The following PTPRM variants were observed in gnomAD, a reference collection of about 807,000 sequenced individuals.
PTPRM encodes the protein protein tyrosine phosphatase receptor type M, also known as receptor-type tyrosine-protein phosphatase mu.
A neutral mutation model predicts 186.7 loss-of-function variants in PTPRM; 47 were observed. The ratio of observed to expected loss-of-function variants is 0.25; its 90% CI spans 0.20 to 0.32. The LOEUF (loss-of-function observed/expected upper bound fraction) is 0.32. Among genes scored for constraint, PTPRM ranks in the 10% least tolerant of loss-of-function variants. The pLI is 1.00. For synonymous variants in PTPRM, 668 were observed against 674.9 expected, an observed-to-expected ratio of 0.99 and a Z score of 0.16; for missense variants, 1,494 against 1,865.0, an observed-to-expected ratio of 0.80 and a Z score of 3.66.
intron 14 of PTPRM, among the ~76,000 whole-genome samples, chr18:8,231,675 C>A (rs56314202): frequency 6.6e-6 from 1 of 151,894 alleles, no homozygotes; most frequent in South Asian, 2.1e-4. Flanking sequence ...TTGAATTCAG[C>A]GCGCATTTCT....
rs201414873 is a variant in PTPRM, at chr18:8,237,462, T to A, written c.2301-6596T>A. Among the ~76,000 whole-genome samples the A allele has an allele frequency of 8.7e-4, 70 of 80,282 alleles. 1 individual carries two copies. Among genetic ancestry groups the A allele is most frequent in the East Asian group, 6.4e-3 (29 of 4,510 alleles). 52.7% of individuals were successfully genotyped at this position (80,282 alleles called of 152,430 possible). A position where few individuals can be genotyped will look rare whatever the true frequency, so the allele number is the denominator to read the frequency against. On this transcript the variant is annotated intron_variant, in intron 14 of 32. Transcript: ENST00000580170. ...TTTTTTTTTTTTTTTTTTTTTTTTT[T>A]CCTGAGACAGAGTTTCGCTCTTGTT...
Position 8,107,751 on chromosome 18 carries a change from A to G in PTPRM, c.1857-5735A>G, listed in dbSNP as rs186729162. 4.6e-3 allele frequency among the ~76,000 whole-genome samples: 705 copies of G among 152,354 alleles called. 3 individuals are homozygous for G. Among genetic ancestry groups the G allele is most frequent in the Non-Finnish European group, 7.2e-3 (488 of 68,036 alleles). On this transcript the variant is annotated intron_variant, in intron 11 of 32. Coordinates refer to ENST00000580170, the MANE Select transcript of PTPRM (RefSeq NM_001105244.2). ...ATAGAATATTCAGCCCCACAGGTCT[A>G]TTTATCCTGTGTGATGTGTTACCCA...
At chr18:8,140,611 C>G (rs1174681933) in intron 13 of PTPRM, among the ~76,000 whole-genome samples, 1 of 151,964 alleles carries the variant, frequency 6.6e-6, no homozygotes, top group Non-Finnish European at 1.5e-5. Flanking sequence ...GGATTATGCT[C>G]TATGATTTTA....
intron 1 of PTPRM, among the ~76,000 whole-genome samples, chr18:7,654,347 T>TG (rs1245862114): frequency 2.6e-5 from 4 of 152,138 alleles, no homozygotes; most frequent in Non-Finnish European, 5.9e-5. Context: ...TTACAAATTT[T>TG]TTTGTGTGAA....
intron 2 of PTPRM, among the ~76,000 whole-genome samples, chr18:7,780,434 G>A (rs2042800173): frequency 6.6e-6 from 1 of 152,172 alleles, no homozygotes; most frequent in South Asian, 2.1e-4. Flanking sequence ...CATTTCAGGT[G>A]CATGCATTTG....
chr18:7,746,611 G>A (rs897831129), intron 1 of PTPRM, among the ~76,000 whole-genome samples: 8 of 152,012 alleles, frequency 5.3e-5, no homozygotes, highest in African/African-American at 1.5e-4. Flanking sequence ...GACTACAAGC[G>A]TGCAACACCA....
chr18:8,324,149 A>C (rs1024117802), intron 22 of PTPRM, among the ~76,000 whole-genome samples: 1 of 152,206 alleles, frequency 6.6e-6, no homozygotes, highest in African/African-American at 2.4e-5. Flanking sequence ...GGGTTAACAA[A>C]ATGTCACAGA....
rs775434777 is a variant in PTPRM, at chr18:7,852,639, C to T, written c.197-35467C>T. Among the ~76,000 whole-genome samples the T allele has an allele frequency of 8.6e-5, 13 of 151,818 alleles. No homozygotes were observed. The East Asian group carries it at 1.4e-3, about 16-fold the overall frequency. On this transcript the variant is annotated intron_variant, in intron 2 of 32. Transcript: ENST00000580170. ...GACGGAGCTTGCAGTGAGCCAAGAT[C>T]GTGCCACTGCACTCCAGCCTGGGCG...
chr18:8,369,072 G>T (rs1189089882), intron 23 of PTPRM, among the ~76,000 whole-genome samples: 1 of 152,192 alleles, frequency 6.6e-6, no homozygotes, highest in Non-Finnish European at 1.5e-5. Flanking sequence ...GGAAGAAATG[G>T]ATGGGAGGAG....
intron 14 of PTPRM, among the ~76,000 whole-genome samples, chr18:8,238,406 G>A (rs1405801275): frequency 1.3e-5 from 2 of 151,846 alleles, no homozygotes; most frequent in Admixed American, 6.6e-5. Flanking sequence ...ACTATCACAG[G>A]CGTTTTCATT....
At chr18:7,770,811 A>G (rs902393567) in intron 1 of PTPRM, among the ~76,000 whole-genome samples, 13 of 150,474 alleles carry the variant, frequency 8.6e-5, no homozygotes, top group Non-Finnish European at 1.6e-4. Flanking sequence ...TTTTAGCTCA[A>G]TAAACCATCT....
In PTPRM at chr18:7,954,208, G is replaced by A. The variant is rs1319454230; in HGVS notation, c.839-913G>A. ...TTGACAATGATATAGGAAAGAGTCGGTCTCAGATTTTAAACAAAGAGAGGG... is the reference window on the plus strand; with the variant it reads ...TTGACAATGATATAGGAAAGAGTCGATCTCAGATTTTAAACAAAGAGAGGG... On this transcript the variant is annotated intron_variant, in intron 6 of 32. Coordinates refer to ENST00000580170, the MANE Select transcript of PTPRM (RefSeq NM_001105244.2). Among the ~76,000 whole-genome samples, 4 of 152,272 alleles carry A rather than the reference G, an allele frequency of 2.6e-5. No homozygotes were observed. In the East Asian group the frequency reaches 5.8e-4, roughly 22 times the overall value.
intron 2 of PTPRM, among the ~76,000 whole-genome samples, chr18:7,795,788 C>T (rs545336498): frequency 7.4e-5 from 11 of 148,946 alleles, no homozygotes; most frequent in African/African-American, 2.2e-4. Flanking sequence ...CTATTTTTAT[C>T]GCATTTTTTC....
chr18:7,727,153 A>T (rs76040132), intron 1 of PTPRM, among the ~76,000 whole-genome samples: 1 of 152,256 alleles, frequency 6.6e-6, no homozygotes, highest in African/African-American at 2.4e-5. Context: ...ATTTAAGTAG[A>T]GGCTGGGTGA....
intron 1 of PTPRM, among the ~76,000 whole-genome samples, chr18:7,737,598 G>T (rs1433804070): frequency 6.6e-6 from 1 of 152,164 alleles, no homozygotes. Context: ...AATACCTGTG[G>T]ACTGGCTGGT....
chr18:7,844,069 C>T (rs2046475923), intron 2 of PTPRM, among the ~76,000 whole-genome samples: 1 of 152,180 alleles, frequency 6.6e-6, no homozygotes, highest in Non-Finnish European at 1.5e-5. Flanking sequence ...ATGACCCAGC[C>T]TTGGATATCA....
At chr18:7,878,488 G>A (rs1329478913) in intron 2 of PTPRM, among the ~76,000 whole-genome samples, 5 of 152,182 alleles carry the variant, frequency 3.3e-5, no homozygotes, top group African/African-American at 7.2e-5. Context: ...CTGTCAATCA[G>A]GGATGTCAAC....
At chr18:7,686,114 A>G (rs982531792) in intron 1 of PTPRM, among the ~76,000 whole-genome samples, 11 of 152,102 alleles carry the variant, frequency 7.2e-5, no homozygotes, top group Admixed American at 3.3e-4. Flanking sequence ...AAATAGAATC[A>G]TGTCTCTGTC....
chr18:7,757,371 C>G (rs1422088624), intron 1 of PTPRM, among the ~76,000 whole-genome samples: 1 of 152,204 alleles, frequency 6.6e-6, no homozygotes, highest in Non-Finnish European at 1.5e-5. Flanking sequence ...GACTGGATTG[C>G]TTTTGATGAA....
Sources: allele counts gnomAD v4.1 joint callset (sites outside exome capture counted in the v4.1 genomes callset), GRCh38; gene constraint gnomAD v4.1.1; transcripts MANE v1.5; gene names NCBI Gene and HGNC (gene_info 2026-07-23, HGNC 2026-07-21).